The following TEX29 variants were observed in gnomAD, a reference collection of about 807,000 sequenced individuals.
TEX29 encodes the protein testis expressed 29.
A neutral mutation model predicts 18.2 loss-of-function variants in TEX29; 26 were observed. The observed-to-expected ratio is 1.43, with a 90% confidence interval of 1.04 to 1.98. The LOEUF is 1.98. TEX29 is among the 30% of genes most tolerant of loss of function. TEX29 has a pLI of 0.00. For synonymous variants in TEX29, 83 were observed against 78.5 expected (o/e 1.06, Z -0.31); for missense variants, 177 against 194.2 (o/e 0.91, Z 0.53).
chr13:111,319,852 TCCTC>T (rs1221597023), upstream of TEX29, among the ~76,000 whole-genome samples: 1 of 152,194 alleles, frequency 6.6e-6, no homozygotes, highest in Non-Finnish European at 1.5e-5. Flanking sequence ...CCTGCCTTCT[TCCTC>T]ATGAGTATCC....
intron 3 of TEX29, among the ~76,000 whole-genome samples, chr13:111,338,060 A>G (rs2093691968): frequency 6.6e-6 from 1 of 152,124 alleles, no homozygotes; most frequent in African/African-American, 2.4e-5. Flanking sequence ...GAGTCCAGGG[A>G]GTGCGGATCC....
Position 111,343,026 on chromosome 13 carries a change from C to T in TEX29, c.415+95C>T, listed in dbSNP as rs550738610. On this transcript the variant is annotated intron_variant, in intron 5 of 5. Transcript: ENST00000283547. ...CCTGGGAAGGGGCTCAACATCTACA[C>T]AGGCCCTTCAACCTCAGTGATCAGT... 21 of 1,411,692 alleles carry T rather than the reference C, an allele frequency of 1.5e-5. No individual in the cohort carries two copies. In the African/African-American group the frequency reaches 3.0e-4, roughly 20 times the overall value. 87.4% of individuals were successfully genotyped at this position (1,411,692 alleles called of 1,614,324 possible).
intron 2 of TEX29, among the ~76,000 whole-genome samples, chr13:111,323,176 C>T (rs2093667457): frequency 6.6e-6 from 1 of 152,228 alleles, no homozygotes; most frequent in African/African-American, 2.4e-5. Context: ...TCCCCATGTC[C>T]ACACTCACTC....
At position 111,339,858 on chromosome 13, in the gene TEX29, T is replaced by C. The variant is rs751108040; in HGVS notation, c.170-5T>C. 7 of 1,614,000 alleles carry C rather than the reference T, an allele frequency of 4.3e-6. No homozygotes were observed. In the Admixed American group the frequency reaches 1.2e-4, roughly 27 times the overall value. On this transcript the variant is annotated splice_region_variant and splice_polypyrimidine_tract_variant and intron_variant, in intron 3 of 5. Transcript: ENST00000283547. Reference sequence around the variant, plus strand: ...GAAATGACTTCAAATCCCACCATTTTTCAGTTTACATCCACGTGTTCTCTG... The same window carrying C: ...GAAATGACTTCAAATCCCACCATTTCTCAGTTTACATCCACGTGTTCTCTG...
chr13:111,336,893 G>A (rs749451258), intron 3 of TEX29, among the ~76,000 whole-genome samples: 3 of 152,336 alleles, frequency 2.0e-5, no homozygotes, highest in South Asian at 2.1e-4. Context: ...ACGTGAGCAC[G>A]TAGGAAGATA....
intron 2 of TEX29, 28 bp downstream of exon 2, chr13:111,320,976 GGTGGGGTGGGGGAGCAGTT>G: frequency 1.4e-6 from 2 of 1,430,750 alleles, no homozygotes; most frequent in Non-Finnish European, 1.9e-6. Context: ...CAGGGGGGCG[GGTGGGGTGGGGGAGCAGTT>G]GGGGGGGGGC....
upstream of TEX29, among the ~76,000 whole-genome samples, chr13:111,318,513 C>T (rs1261727615): frequency 3.3e-5 from 5 of 152,208 alleles, no homozygotes; most frequent in African/African-American, 9.6e-5. Context: ...GGTGAACACC[C>T]CTCTCCCTGT....
intron 2 of TEX29, among the ~76,000 whole-genome samples, chr13:111,324,082 G>T (rs1364881665): frequency 6.6e-6 from 1 of 152,362 alleles, no homozygotes; most frequent in East Asian, 1.9e-4. Context: ...AAAGGGGTGT[G>T]CAGTCTGGGC....
chr13:111,320,999 G>C, intron 2 of TEX29, 51 bp downstream of exon 2: 1 of 973,768 alleles, frequency 1.0e-6, no homozygotes, highest in Non-Finnish European at 1.5e-6. Context: ...AGCAGTTGGG[G>C]GGGGGCACAG....
At chr13:111,320,370 C>T (rs1017577005), upstream of TEX29, among the ~76,000 whole-genome samples, 6 of 152,230 alleles carry the variant, frequency 3.9e-5, no homozygotes, top group African/African-American at 1.4e-4. Flanking sequence ...GGACAGGACT[C>T]AAGCACCTGT....
At chr13:111,337,366 G>A (rs1362614592) in intron 3 of TEX29, among the ~76,000 whole-genome samples, 2 of 152,194 alleles carry the variant, frequency 1.3e-5, no homozygotes, top group Non-Finnish European at 2.9e-5. Flanking sequence ...TTGCTGGGAA[G>A]TTGATACCAG....
chr13:111,320,088 G>T (rs138441421), upstream of TEX29, among the ~76,000 whole-genome samples: 12 of 152,196 alleles, frequency 7.9e-5, no homozygotes, highest in South Asian at 2.3e-3. Context: ...CTCCCCCCAG[G>T]ACCTCTGCAT....
chr13:111,320,213 C>T (rs561151004), upstream of TEX29, among the ~76,000 whole-genome samples: 3 of 152,328 alleles, frequency 2.0e-5, no homozygotes, highest in Admixed American at 2.0e-4. Context: ...TTTGCCTTCT[C>T]CCCACGGCCC....
chr13:111,339,837 T>A (rs1461995441), intron 3 of TEX29, 26 bp from the exon 4 acceptor site: 2 of 1,611,244 alleles, frequency 1.2e-6, no homozygotes, highest in Non-Finnish European at 1.7e-6. Flanking sequence ...TGGATCGAAA[T>A]GACTTCAAAT....
At chr13:111,328,498 G>T (rs947812803) in intron 3 of TEX29, among the ~76,000 whole-genome samples, 1 of 152,176 alleles carries the variant, frequency 6.6e-6, no homozygotes, top group Non-Finnish European at 1.5e-5. Flanking sequence ...TGAATGTGAC[G>T]TAAGCCACCA....
Position 111,320,705 on chromosome 13 carries a change from G to A in TEX29, c.-92G>A. 1 of 687,728 alleles carries A rather than the reference G, an allele frequency of 1.5e-6. No homozygotes were observed. The highest frequency in any genetic ancestry group is 2.6e-6 in the Non-Finnish European group (1 of 380,928). 42.6% of individuals were successfully genotyped at this position (687,728 alleles called of 1,614,324 possible). ...TTTACCTAAAAGGTGTTTTCCACGT[G>A]GAGTGGGACTGAGAGGCACAGGTGG... On this transcript the variant is annotated 5_prime_UTR_variant, in exon 1 of 6. Transcript: ENST00000283547.
intron 3 of TEX29, among the ~76,000 whole-genome samples, chr13:111,337,089 T>C (rs2093690610): frequency 1.3e-5 from 2 of 152,240 alleles, no homozygotes; most frequent in Non-Finnish European, 2.9e-5. Flanking sequence ...ACGCTCTTAA[T>C]TCACCCTTTC....
chr13:111,340,070 A>G (rs2093695503), intron 4 of TEX29, 138 bp downstream of exon 4: 1 of 756,326 alleles, frequency 1.3e-6, no homozygotes, highest in African/African-American at 1.8e-5. Flanking sequence ...GAGCCTGGGA[A>G]AGGGAACTGG....
chr13:111,335,049 C>T (rs1025115264), intron 3 of TEX29, among the ~76,000 whole-genome samples: 2 of 152,204 alleles, frequency 1.3e-5, no homozygotes, highest in Non-Finnish European at 2.9e-5. Context: ...CAGATTTCTG[C>T]AAGCTTTTGG....
Sources: allele counts gnomAD v4.1 joint callset (sites outside exome capture counted in the v4.1 genomes callset), GRCh38; gene constraint gnomAD v4.1.1; transcripts MANE v1.5; gene names NCBI Gene and HGNC (gene_info 2026-07-23, HGNC 2026-07-21).